ARHGAP32: variants seen among roughly 807,000 people sequenced by gnomAD.
The protein encoded by ARHGAP32 is rho GTPase-activating protein 32.
In ARHGAP32, 51 loss-of-function variants were observed where a neutral mutation model predicts 186.5. That is an observed-to-expected ratio of 0.27 (90% CI 0.22 to 0.35). ARHGAP32 has a LOEUF of 0.35. Ranked by LOEUF, ARHGAP32 falls within the 10% of genes least tolerant of loss-of-function variation. The probability of loss-of-function intolerance (pLI) is 1.00; values close to 1 mark genes in which losing one functional copy is unlikely to be tolerated. For missense variants in ARHGAP32, 2,186 were observed against 2,623.5 expected (o/e 0.83, Z 3.64); for synonymous variants, 950 against 964.3 (o/e 0.99, Z 0.27).
At chr11:128,997,527 A>T (rs1196470363) in intron 12 of ARHGAP32, among the ~76,000 whole-genome samples, 1 of 152,200 alleles carries the variant, frequency 6.6e-6, no homozygotes, top group Non-Finnish European at 1.5e-5. Flanking sequence ...GTACTTAGCA[A>T]CATCACAGGT....
chr11:129,242,418 A>G (rs1945030634), intron 1 of ARHGAP32, among the ~76,000 whole-genome samples: 2 of 152,118 alleles, frequency 1.3e-5, no homozygotes, highest in South Asian at 2.1e-4. Flanking sequence ...ACCTACAAAT[A>G]TACATAAAAA....
At chr11:129,132,031 C>T (rs1358333243) in intron 2 of ARHGAP32, among the ~76,000 whole-genome samples, 1 of 152,166 alleles carries the variant, frequency 6.6e-6, no homozygotes, top group East Asian at 1.9e-4. Flanking sequence ...CACCTGTCAA[C>T]CCATCACCTA....
chr11:129,128,474 T>G (rs1037814974), intron 2 of ARHGAP32, among the ~76,000 whole-genome samples: 3 of 152,196 alleles, frequency 2.0e-5, no homozygotes, highest in African/African-American at 7.2e-5. Flanking sequence ...AGATTTTATC[T>G]CTGATTTTTA....
intron 10 of ARHGAP32, among the ~76,000 whole-genome samples, chr11:129,051,887 G>A (rs1329386329): frequency 8.0e-5 from 12 of 149,228 alleles, no homozygotes; most frequent in South Asian, 4.3e-4. Flanking sequence ...CCCAGGAGGC[G>A]GAGGTTGCAG....
At chr11:129,062,555 G>A (rs1010867678) in intron 9 of ARHGAP32, among the ~76,000 whole-genome samples, 198 bp from the exon 10 acceptor site, 3 of 152,088 alleles carry the variant, frequency 2.0e-5, no homozygotes, top group African/African-American at 7.2e-5. Flanking sequence ...TCTACAAAAA[G>A]TTAAGCAGCA....
intron 10 of ARHGAP32, among the ~76,000 whole-genome samples, chr11:129,047,090 T>A (rs1939842219): frequency 6.7e-6 from 1 of 149,970 alleles, no homozygotes; most frequent in Non-Finnish European, 1.5e-5. Context: ...ATCGAGCCAC[T>A]GCACTCCAGC....
chr11:129,170,161 A>C (rs1221820253), intron 1 of ARHGAP32, among the ~76,000 whole-genome samples: 1 of 151,508 alleles, frequency 6.6e-6, no homozygotes, highest in African/African-American at 2.4e-5. Flanking sequence ...ATCACACTAC[A>C]CTATTAAAGG....
intron 6 of ARHGAP32, among the ~76,000 whole-genome samples, chr11:129,068,020 G>C (rs182323980): frequency 6.6e-5 from 10 of 152,228 alleles, no homozygotes; most frequent in African/African-American, 2.4e-4. Flanking sequence ...CTGAAAGGCA[G>C]AGAAGCAATG....
intron 1 of ARHGAP32, among the ~76,000 whole-genome samples, chr11:129,235,900 A>AACAAACAC: frequency 6.9e-6 from 1 of 145,760 alleles, no homozygotes. Flanking sequence ...GTCATTCATA[A>AACAAACAC]ACACACACAC....
chr11:129,196,374 T>G (rs1178310569), upstream of ARHGAP32, among the ~76,000 whole-genome samples: 1 of 152,240 alleles, frequency 6.6e-6, no homozygotes, highest in African/African-American at 2.4e-5. Flanking sequence ...CTTCTTGTCA[T>G]TATTCCCTAA....
chr11:129,057,872 G>A (rs1220290515), intron 10 of ARHGAP32, among the ~76,000 whole-genome samples: 1 of 152,022 alleles, frequency 6.6e-6, no homozygotes. Context: ...GAAGGGATTA[G>A]GACACAGACA....
At chr11:129,120,243 T>C (rs1271165643) in intron 5 of ARHGAP32, among the ~76,000 whole-genome samples, 1 of 152,052 alleles carries the variant, frequency 6.6e-6, no homozygotes, top group Non-Finnish European at 1.5e-5. Context: ...ATGCCCAAGA[T>C]GCTCCACGGT....
chr11:129,153,032 A>T (rs1397630794), intron 2 of ARHGAP32, among the ~76,000 whole-genome samples: 1 of 152,202 alleles, frequency 6.6e-6, no homozygotes, highest in African/African-American at 2.4e-5. Flanking sequence ...AAATAGATTC[A>T]GTAAAGTTTC....
At chr11:129,102,440 C>T (rs769951843) in intron 5 of ARHGAP32, among the ~76,000 whole-genome samples, 7 of 152,206 alleles carry the variant, frequency 4.6e-5, no homozygotes, top group South Asian at 2.1e-4. Flanking sequence ...CATTGGTATG[C>T]TGTCTTCAAG....
intron 1 of ARHGAP32, among the ~76,000 whole-genome samples, chr11:129,174,696 T>C (rs949764086): frequency 1.3e-5 from 2 of 152,166 alleles, no homozygotes; most frequent in Admixed American, 6.5e-5. Flanking sequence ...ACACCTCACA[T>C]GGCCGGGTAC....
chr11:129,218,247 CTT>C (rs1217124492), intron 1 of ARHGAP32, among the ~76,000 whole-genome samples: 3 of 152,168 alleles, frequency 2.0e-5, no homozygotes, highest in Non-Finnish European at 4.4e-5. Flanking sequence ...ATAAGACAAA[CTT>C]ATCGATAGTA....
At chr11:129,000,899 C>T (rs1465230597) in intron 11 of ARHGAP32, among the ~76,000 whole-genome samples, 1 of 152,140 alleles carries the variant, frequency 6.6e-6, no homozygotes, top group Non-Finnish European at 1.5e-5. Context: ...CTGTGCTTGG[C>T]TTATTTCACT....
At chr11:128,980,122 G>A (rs747144593) in intron 18 of ARHGAP32, among the ~76,000 whole-genome samples, 1 of 152,170 alleles carries the variant, frequency 6.6e-6, no homozygotes, top group South Asian at 2.1e-4. Flanking sequence ...GCTGTTGGCT[G>A]GGAGACCACA....
At chr11:129,099,301 T>C (rs900527355) in intron 5 of ARHGAP32, among the ~76,000 whole-genome samples, 1 of 152,174 alleles carries the variant, frequency 6.6e-6, no homozygotes, top group African/African-American at 2.4e-5. Flanking sequence ...CTGTACCTCT[T>C]CCATGTTTAG....
Sources: allele counts gnomAD v4.1 joint callset (sites outside exome capture counted in the v4.1 genomes callset), GRCh38; gene constraint gnomAD v4.1.1; transcripts MANE v1.5; gene names NCBI Gene and HGNC (gene_info 2026-07-23, HGNC 2026-07-21).